RASA1: variants seen among roughly 807,000 people sequenced by gnomAD.
RASA1 encodes the protein RAS p21 protein activator 1, also known as ras GTPase-activating protein 1.
Under a neutral mutation model 132.2 loss-of-function variants are expected in RASA1, and 25 were observed. The observed-to-expected ratio is 0.19, with a 90% CI of 0.14 to 0.26. The LOEUF is 0.26. Among genes scored for constraint, RASA1 ranks in the 10% least tolerant of loss-of-function variants. The pLI, the probability that RASA1 is intolerant of heterozygous loss-of-function variation, is 1.00. For synonymous variants in RASA1, 477 were observed against 449.9 expected, an observed-to-expected ratio of 1.06 and a Z score of -0.76; for missense variants, 964 against 1,299.2, an observed-to-expected ratio of 0.74 and a Z score of 3.97.
chr5:87,345,874 G>T (rs1394389770), intron 6 of RASA1, among the ~76,000 whole-genome samples: 2 of 152,044 alleles, frequency 1.3e-5, no homozygotes, highest in East Asian at 1.9e-4. Flanking sequence ...TGTCAGCCTG[G>T]CATTAAGATG....
At position 87,268,799 on chromosome 5, in the gene RASA1, C is replaced by T. The variant is rs752487583; in HGVS notation, c.348C>T (p.Leu116=). The T allele has an allele frequency of 8.7e-6, 14 of 1,614,100 alleles. No individual in the cohort carries two copies. In the South Asian group the frequency reaches 1.4e-4, roughly 16 times the overall value. ...CTGGACCTAGTGGAGACATGGCTCT[C>T]ACCAAACTGCCCACTTCGTTGCTTG... ...AVAGPSGDMA[L]TKLPTSLLAE... is the part of the protein sequence containing the mutation. The change falls in exon 1 of 25, where the codon CTC becomes CTT. Residue 116 remains leucine (L), a synonymous_variant. Coordinates refer to ENST00000274376, the MANE Select transcript of RASA1 (RefSeq NM_002890.3).
chr5:87,296,951 C>T (rs1348043499), intron 1 of RASA1, among the ~76,000 whole-genome samples: 2 of 151,862 alleles, frequency 1.3e-5, no homozygotes, highest in Admixed American at 6.6e-5. Context: ...TCTACTCTTT[C>T]TTTTTCCTCT....
At chr5:87,274,744 C>A (rs1426210509) in intron 1 of RASA1, among the ~76,000 whole-genome samples, 1 of 152,076 alleles carries the variant, frequency 6.6e-6, no homozygotes, top group Non-Finnish European at 1.5e-5. Flanking sequence ...TCAGTAAATT[C>A]TTTGAGGAAA....
In RASA1 at chr5:87,383,612, T is replaced by G; in HGVS notation, c.2691-101T>G. On this transcript the variant is annotated intron_variant, in intron 20 of 24. Coordinates refer to ENST00000274376, the MANE Select transcript of RASA1 (RefSeq NM_002890.3). ...TTGGTTTAGAGTGAATTTTATGGGT[T>G]CTATGAGTACTAAAAATTCTGTTTA... 16 of 875,524 alleles carry G rather than the reference T, an allele frequency of 1.8e-5. 1 individual carries two copies. In the South Asian group the frequency reaches 2.7e-4, roughly 15 times the overall value. The allele number at this position is 875,524 out of a possible 1,614,324, so 54.2% of individuals were successfully genotyped here. A position where few individuals can be genotyped will look rare whatever the true frequency, so the allele number is the denominator to read the frequency against.
chr5:87,360,383 T>G (rs1759993223), intron 9 of RASA1, among the ~76,000 whole-genome samples: 1 of 152,168 alleles, frequency 6.6e-6, no homozygotes, highest in Non-Finnish European at 1.5e-5. Context: ...CTCGGCCTCC[T>G]AAAGTACTGG....
chr5:87,332,275 G>T (rs1207565423), intron 2 of RASA1, among the ~76,000 whole-genome samples: 1 of 151,952 alleles, frequency 6.6e-6, no homozygotes, highest in Admixed American at 6.6e-5. Context: ...CTGTAATTGA[G>T]GTTTATAAGC....
intron 1 of RASA1, among the ~76,000 whole-genome samples, chr5:87,304,939 CTTTTTTT>C (rs756572506): frequency 1.6e-5 from 1 of 64,412 alleles, no homozygotes; most frequent in East Asian, 3.9e-4. Flanking sequence ...TCTTTTAGTC[CTTTTTTT>C]TTTTTTTTTT....
intron 21 of RASA1, 64 bp from the exon 22 acceptor site, chr5:87,385,237 A>G (rs1472297119): frequency 9.7e-7 from 1 of 1,027,538 alleles, no homozygotes; most frequent in Non-Finnish European, 1.5e-6. Flanking sequence ...TGCTAAATTT[A>G]TAATGGTTTA....
At chr5:87,278,314 AGGTG>A (rs1313944329) in intron 1 of RASA1, among the ~76,000 whole-genome samples, 2 of 151,662 alleles carry the variant, frequency 1.3e-5, no homozygotes, top group African/African-American at 4.8e-5. Flanking sequence ...TGGGAGGCCG[AGGTG>A]GGTGGATCAC....
intron 1 of RASA1, among the ~76,000 whole-genome samples, chr5:87,291,996 C>G (rs956650566): frequency 6.6e-6 from 1 of 152,142 alleles, no homozygotes; most frequent in Non-Finnish European, 1.5e-5. Flanking sequence ...CTGTTCAGGT[C>G]TTTTGCCCAT....
intron 8 of RASA1, among the ~76,000 whole-genome samples, chr5:87,349,752 A>C (rs1234085781): frequency 1.3e-5 from 2 of 151,932 alleles, no homozygotes; most frequent in African/African-American, 4.8e-5. Context: ...CCTGAGACTT[A>C]TTATACAGAT....
chr5:87,343,395 T>C (rs1189493547), intron 6 of RASA1, among the ~76,000 whole-genome samples: 1 of 152,186 alleles, frequency 6.6e-6, no homozygotes, highest in East Asian at 1.9e-4. Flanking sequence ...AATCCTTTTT[T>C]CCAGTAGCTG....
chr5:87,305,736 T>C (rs1291106892), intron 1 of RASA1, among the ~76,000 whole-genome samples: 7 of 152,148 alleles, frequency 4.6e-5, no homozygotes, highest in Non-Finnish European at 1.0e-4. Context: ...AAACTACATA[T>C]CTGACAGAGG....
chr5:87,355,911 T>C (rs1759614555), intron 9 of RASA1, among the ~76,000 whole-genome samples: 1 of 152,176 alleles, frequency 6.6e-6, no homozygotes, highest in African/African-American at 2.4e-5. Flanking sequence ...GTGGTACAAG[T>C]AGCAGGAGAA....
chr5:87,359,222 C>T (rs561427426), intron 9 of RASA1, among the ~76,000 whole-genome samples: 23 of 152,258 alleles, frequency 1.5e-4, no homozygotes, highest in Non-Finnish European at 2.8e-4. Context: ...CAAGTTAAGT[C>T]TGTCTTCAGG....
chr5:87,339,933 A>G (rs1354623666), intron 5 of RASA1, among the ~76,000 whole-genome samples: 2 of 152,098 alleles, frequency 1.3e-5, no homozygotes, highest in Non-Finnish European at 2.9e-5. Flanking sequence ...GTTAGTGGTT[A>G]GATTTAAGGA....
At position 87,332,590 on chromosome 5, in the gene RASA1, T is replaced by C. The variant is rs750237587; in HGVS notation, c.776T>C (p.Val259Ala). ...LSDLIGYYSH[V>A]SCLLKGEKLL... ...GACCTAATAGGTTATTACAGTCATG[T>C]TTCTTGTTTGCTTAAAGGAGAAAAA... The change falls in exon 3 of 25, where the codon GTT becomes GCT. Residue 259 changes from valine (V) to alanine (A), a missense_variant. This residue lies in a region of RASA1 where 154 missense variants were observed against 286.5 expected (regional missense o/e 0.54). Transcript: ENST00000274376. 3 of 1,610,772 alleles carry C rather than the reference T, an allele frequency of 1.9e-6. No individual in the cohort carries two copies. The African/African-American group carries it at 4.0e-5, about 22-fold the overall frequency.
intron 1 of RASA1, among the ~76,000 whole-genome samples, chr5:87,288,376 A>G (rs141085193): frequency 6.6e-6 from 1 of 152,224 alleles, no homozygotes; most frequent in African/African-American, 2.4e-5. Context: ...GGCAGCAACG[A>G]TGTCATCAAA....
At chr5:87,327,444 C>T (rs531395555) in intron 1 of RASA1, among the ~76,000 whole-genome samples, 22 of 152,068 alleles carry the variant, frequency 1.4e-4, no homozygotes, top group Non-Finnish European at 2.4e-4. Context: ...GTGATGGTAA[C>T]GACATAAAAA....
Sources: gnomAD v4.1 joint callset for allele counts (sites outside exome capture counted in the v4.1 genomes callset) on GRCh38, gnomAD v4.1.1 for gene constraint, gnomAD v4.1.1 regional missense constraint, MANE v1.5 for transcripts, NCBI Gene and HGNC (gene_info 2026-07-23, HGNC 2026-07-21) for gene names.